The following C21orf58 variants were observed in gnomAD, a reference collection of about 807,000 sequenced individuals.
C21orf58 encodes the protein chromosome 21 open reading frame 58, also known as uncharacterized protein C21orf58.
Under a neutral mutation model 35.8 loss-of-function variants are expected in C21orf58, and 34 were observed. The ratio of observed to expected loss-of-function variants is 0.95; its 90% CI spans 0.72 to 1.26. C21orf58 has a LOEUF of 1.26. Ranked by LOEUF, C21orf58 falls within the 50% of genes most tolerant of loss-of-function variation. The pLI is 0.00. For synonymous variants in C21orf58, 191 were observed against 175.8 expected (o/e 1.09, Z -0.68); for missense variants, 440 against 414.3 (o/e 1.06, Z -0.54).
Position 46,301,271 on chromosome 21 carries a change from T to C in C21orf58, c.*728A>G. ...ATCCTCCCACCTCAGCCCCCAGAGC[T>C]GCTGAGATAACAGGCGCATATCACC... On this transcript the variant is annotated 3_prime_UTR_variant, in exon 8 of 8. Transcript: ENST00000291691. The C allele has an allele frequency of 3.8e-6, 1 of 263,132 alleles. No individual in the cohort carries two copies. The highest frequency in any genetic ancestry group is 5.9e-6 in the Non-Finnish European group (1 of 169,606). 16.3% of individuals were successfully genotyped at this position (263,132 alleles called of 1,614,324 possible).
intron 4 of C21orf58, 79 bp downstream of exon 4, chr21:46,315,395 G>T: frequency 2.2e-6 from 2 of 913,400 alleles, no homozygotes; most frequent in South Asian, 2.6e-5. Context: ...AATACTCCCC[G>T]ACCTGGTGCC....
chr21:46,308,823 T>A (rs964301802), intron 6 of C21orf58, among the ~76,000 whole-genome samples: 10 of 152,126 alleles, frequency 6.6e-5, no homozygotes, highest in Non-Finnish European at 1.2e-4. Context: ...TAATGTGTTA[T>A]CATGGGAGGA....
intron 6 of C21orf58, among the ~76,000 whole-genome samples, chr21:46,309,135 A>G (rs1319304385): frequency 6.6e-6 from 1 of 152,160 alleles, no homozygotes; most frequent in Non-Finnish European, 1.5e-5. Flanking sequence ...TCTGGCCAAC[A>G]TGGCGAAATC....
chr21:46,303,706 A>ATATAT lies in C21orf58; in HGVS notation c.722-1131_722-1130insATATA, dbSNP rs1209729930. On this transcript the variant is annotated intron_variant, in intron 6 of 7. Transcript: ENST00000291691. ...CACACACACACACACACACACACAC[A>ATATAT]AAATATATATATATATATATATATA... Among the ~76,000 whole-genome samples, 6 of 25,750 alleles carry ATATAT rather than the reference A, an allele frequency of 2.3e-4. No individual in the cohort carries two copies. In the East Asian group the frequency reaches 5.2e-3, roughly 22 times the overall value. 16.9% of individuals were successfully genotyped at this position (25,750 alleles called of 152,430 possible).
intron 4 of C21orf58, 82 bp from the exon 5 acceptor site, chr21:46,314,962 C>G (rs2082915635): frequency 3.9e-6 from 6 of 1,550,300 alleles, no homozygotes; most frequent in Non-Finnish European, 5.2e-6. Flanking sequence ...CAGGCTCAGG[C>G]CAGCCTGGGC....
Position 46,301,155 on chromosome 21 carries a change from T to TA in C21orf58, c.*843_*844insT. The TA allele has an allele frequency of 1.3e-6, 1 of 782,150 alleles. No homozygotes were observed. The highest frequency in any genetic ancestry group is 1.4e-6 in the Non-Finnish European group (1 of 712,192). The allele number at this position is 782,150 out of a possible 1,614,324, so 48.5% of individuals were successfully genotyped here. On this transcript the variant is annotated 3_prime_UTR_variant, in exon 8 of 8. Transcript: ENST00000291691. ...TTGCTTCTTTCACTTTTTTATTTTA[T>TA]TTTTGAGACAGGGGCCTGCTCTGTG...
In C21orf58 at chr21:46,301,944, C is replaced by G; in HGVS notation, c.*55G>C. On this transcript the variant is annotated 3_prime_UTR_variant, in exon 8 of 8. Transcript: ENST00000291691. Reference sequence around the variant, plus strand: ...CCATAGTCCCGCCACAGCCCACAGCCCTGAGGAAGCCTGGGGGTGGAGGGT... The same window carrying G: ...CCATAGTCCCGCCACAGCCCACAGCGCTGAGGAAGCCTGGGGGTGGAGGGT... The G allele has an allele frequency of 4.8e-6, 7 of 1,455,134 alleles. No homozygotes were observed. Among genetic ancestry groups the G allele is most frequent in the Non-Finnish European group, 6.3e-6 (7 of 1,106,012 alleles). 90.1% of individuals were successfully genotyped at this position (1,455,134 alleles called of 1,614,324 possible).
At chr21:46,315,142 A>C (rs1438606494) in intron 4 of C21orf58, 7 of 923,556 alleles carry the variant, frequency 7.6e-6, no homozygotes, top group African/African-American at 1.7e-5. Flanking sequence ...TTCCAGGCCT[A>C]CTTTTTTCTA....
In C21orf58 at chr21:46,307,400, G is replaced by A. The variant is rs139551920; in HGVS notation, c.721+4056C>T. Among the ~76,000 whole-genome samples, 366 of 151,410 alleles carry A rather than the reference G, an allele frequency of 2.4e-3. 5 individuals carry two copies. The highest frequency in any genetic ancestry group is 8.4e-3 in the African/African-American group (345 of 41,262). On this transcript the variant is annotated intron_variant, in intron 6 of 7. Coordinates refer to ENST00000291691, the MANE Select transcript of C21orf58 (RefSeq NM_058180.5). Reference sequence around the variant, plus strand: ...ACCCATTCACACACACCCCTACCTCGGTATGCTTTTTAGAACCTATGGCAT... The same window carrying A: ...ACCCATTCACACACACCCCTACCTCAGTATGCTTTTTAGAACCTATGGCAT...
At chr21:46,314,637 C>T (rs952063211) in intron 5 of C21orf58, 79 bp downstream of exon 5, 11 of 1,149,514 alleles carry the variant, frequency 9.6e-6, no homozygotes, top group African/African-American at 6.3e-5. Context: ...GCAGGCACAG[C>T]GCCTCCTGCC....
chr21:46,303,708 AATATATATATATAT>A (rs1356861977), intron 6 of C21orf58, among the ~76,000 whole-genome samples: 3 of 37,288 alleles, frequency 8.0e-5, no homozygotes, highest in African/African-American at 1.0e-4. Context: ...ACACACACAA[AATATATATATATAT>A]ATATATATAT....
rs1243746366 is a variant in C21orf58 at position 46,302,161 on chromosome 21, C to T, written c.814-7G>A. 1.2e-5 allele frequency: 18 copies of T among 1,473,378 alleles called. No individual in the cohort carries two copies. The highest frequency in any genetic ancestry group is 4.7e-5 in the Admixed American group (2 of 42,940). 91.3% of individuals were successfully genotyped at this position (1,473,378 alleles called of 1,614,324 possible). A position where few individuals can be genotyped will look rare whatever the true frequency, so the allele number is the denominator to read the frequency against. On this transcript the variant is annotated splice_polypyrimidine_tract_variant and splice_region_variant and intron_variant, in intron 7 of 7. Transcript: ENST00000291691. ...GGGGCACATGTGGCGGGTCCTGCCA[C>T]AGACGCACCTGCTGCTTAGGACGCA...
chr21:46,303,216 G>A (rs1257450666), intron 6 of C21orf58, among the ~76,000 whole-genome samples: 1 of 152,012 alleles, frequency 6.6e-6, no homozygotes, highest in East Asian at 1.9e-4. Flanking sequence ...GTGCATGCCT[G>A]TAGTCCCAGC....
chr21:46,302,071 ATGG>A lies in C21orf58; in HGVS notation c.894_896del (p.His299del), dbSNP rs71318063. 1.6e-3 allele frequency: 2,375 copies of A among 1,500,426 alleles called. 18 individuals carry two copies. The African/African-American group carries it at 0.021, about 13-fold the overall frequency. The allele number at this position is 1,500,426 out of a possible 1,614,324, so 92.9% of individuals were successfully genotyped here. ...TGGCAGCCCCAGGTGGCCACACAGC[ATGG>A]TGGTGGTGGTGGTGGTGGTGCACGG... On this transcript the variant is annotated inframe_deletion, in exon 8 of 8. Transcript: ENST00000291691.
Position 46,318,157 on chromosome 21 carries a change from T to G in C21orf58, c.164A>C (p.Gln55Pro). Residue 55 changes from glutamine (Q) to proline (P), a missense_variant, in exon 2 of 8, where the codon CAG (glutamine) becomes CCG (proline). By Grantham distance (76) the Gln-to-Pro change is moderately conservative. Coordinates refer to ENST00000291691, the MANE Select transcript of C21orf58 (RefSeq NM_058180.5). The stretch of plus-strand genomic sequence containing the variant: ...GGTTCTGTTACTCGCAGGAAAGAAC[T>G]GCTCAGCAGGAGCCCAAGCACCGGT... ...GNTGAWAPAE[Q>P]FFPASNRTRE... The G allele has an allele frequency of 1.2e-6, 2 of 1,612,992 alleles. No individual in the cohort carries two copies. The highest frequency in any genetic ancestry group is 1.7e-6 in the Non-Finnish European group (2 of 1,179,994).
intron 1 of C21orf58, chr21:46,318,564 G>A: frequency 8.3e-7 from 1 of 1,210,304 alleles, no homozygotes; most frequent in South Asian, 1.8e-5. Flanking sequence ...CCCCACCTGT[G>A]TACTGCCTCC....
At chr21:46,307,559 T>C (rs554165167) in intron 6 of C21orf58, among the ~76,000 whole-genome samples, 2 of 152,304 alleles carry the variant, frequency 1.3e-5, no homozygotes, top group Admixed American at 6.5e-5. Flanking sequence ...CCCTTCTTTA[T>C]GATGGCACAA....
At chr21:46,316,890 C>G (rs2082994170) in intron 3 of C21orf58, among the ~76,000 whole-genome samples, 1 of 152,228 alleles carries the variant, frequency 6.6e-6, no homozygotes, top group African/African-American at 2.4e-5. Context: ...AGCTCAGGGT[C>G]TGGAACCAGA....
rs1225469965 is a variant in C21orf58 at position 46,322,749 on chromosome 21, C to T, written c.-11G>A. 2 of 1,468,998 alleles carry T rather than the reference C, an allele frequency of 1.4e-6. No homozygotes were observed. The highest frequency in any genetic ancestry group is 1.8e-6 in the Non-Finnish European group (2 of 1,101,968). The allele number at this position is 1,468,998 out of a possible 1,614,324, so 91.0% of individuals were successfully genotyped here. On this transcript the variant is annotated 5_prime_UTR_variant, in exon 1 of 8. Coordinates refer to ENST00000291691, the MANE Select transcript of C21orf58 (RefSeq NM_058180.5). ...CCGAGATCGCGCCATTGCGCTATAG[C>T]CTGGGCGTCGCAGCGAGACTGTCTC...
Sources: allele counts gnomAD v4.1 joint callset (sites outside exome capture counted in the v4.1 genomes callset), GRCh38; gene constraint gnomAD v4.1.1; transcripts MANE v1.5; gene names NCBI Gene and HGNC (gene_info 2026-07-23, HGNC 2026-07-21).